SMARCA5: variants seen among roughly 807,000 people sequenced by gnomAD.
SMARCA5 encodes SNF2 related chromatin remodeling ATPase 5.
SMARCA5 carries 18 observed loss-of-function variants against 140.4 expected under a neutral mutation model. The ratio of observed to expected loss-of-function variants is 0.13; its 90% CI spans 0.09 to 0.19. The LOEUF (loss-of-function observed/expected upper bound fraction) is 0.19. SMARCA5 is among the 10% of genes least tolerant of loss of function. The pLI is 1.00. For synonymous variants in SMARCA5, 449 were observed against 419.6 expected, an observed-to-expected ratio of 1.07 and a Z score of -0.86; for missense variants, 606 against 1,276.8, an observed-to-expected ratio of 0.47 and a Z score of 8.01.
rs1737490374 is a variant in SMARCA5 at position 143,544,826 on chromosome 4, T to C, written c.2262T>C (p.Val754=). Residue 754 remains valine, a synonymous_variant, in exon 17 of 24, where the codon GTT becomes GTC. Transcript: ENST00000283131. The part of the protein sequence containing the change: ...VDAYFREALR[V]SEPKAPKAPR... ...CATATTTCAGGGAAGCTCTTCGTGT[T>C]AGTGAACCTAAAGCACCCAAGGTGA... 1.2e-6 allele frequency: 2 copies of C among 1,608,142 alleles called. No homozygotes were observed. Among genetic ancestry groups the C allele is most frequent in the Middle Eastern group, 1.6e-4 (1 of 6,076 alleles).
At chr4:143,550,161 A>AT in intron 23 of SMARCA5, 57 bp downstream of exon 23, 1 of 903,174 alleles carries the variant, frequency 1.1e-6, no homozygotes, top group Non-Finnish European at 1.7e-6. Context: ...CTTTCTAAGT[A>AT]TTTAACACTG....
chr4:143,528,509 T>C (rs1737120218), intron 7 of SMARCA5, 74 bp from the exon 8 acceptor site: 1 of 1,348,434 alleles, frequency 7.4e-7, no homozygotes, highest in Admixed American at 2.2e-5. Context: ...TTTGTGTTGG[T>C]TCCAGGTCTT....
At chr4:143,528,522 C>T in intron 7 of SMARCA5, 61 bp from the exon 8 acceptor site, 1 of 1,460,294 alleles carries the variant, frequency 6.8e-7, no homozygotes, top group Middle Eastern at 2.1e-4. Context: ...CAGGTCTTTG[C>T]TGTTGTAGAT....
intron 14 of SMARCA5, among the ~76,000 whole-genome samples, chr4:143,540,709 G>C (rs547199338): frequency 1.3e-5 from 2 of 152,144 alleles, no homozygotes; most frequent in Non-Finnish European, 2.9e-5. Context: ...TAATGAGTCT[G>C]CCAGTTAGCA....
chr4:143,537,494 T>C (rs1224296127), intron 11 of SMARCA5, among the ~76,000 whole-genome samples: 1 of 152,156 alleles, frequency 6.6e-6, no homozygotes, highest in Non-Finnish European at 1.5e-5. Context: ...TTTCATACCT[T>C]TTTGTAGAGA....
intron 1 of SMARCA5, 188 bp downstream of exon 1, chr4:143,514,289 A>C (rs1427750844): frequency 7.4e-6 from 4 of 544,016 alleles, no homozygotes; most frequent in Non-Finnish European, 1.3e-5. Flanking sequence ...GAGCTAAGCA[A>C]AATGGATTTC....
chr4:143,544,566 T>C (rs1351593041), intron 16 of SMARCA5, among the ~76,000 whole-genome samples, 171 bp from the exon 17 acceptor site: 1 of 152,224 alleles, frequency 6.6e-6, no homozygotes, highest in African/African-American at 2.4e-5. Context: ...AGACACTGTC[T>C]CGTGTTAATT....
Position 143,517,358 on chromosome 4 carries a change from A to C in SMARCA5, c.181A>C (p.Ile61Leu), listed in dbSNP as rs1206455896. 6.2e-7 allele frequency: 1 copy of C among 1,604,046 alleles called. No homozygotes were observed. Among genetic ancestry groups the C allele is most frequent in the South Asian group, 1.1e-5 (1 of 89,382 alleles). ...TTTAATTATTTCTTTCTACCAGGAA[A>C]TATTTGATGATGCGTCACCTGGAAA... ...AGPADAEMEEIFDDASPGKQK... is the reference protein window; with the variant it reads ...AGPADAEMEELFDDASPGKQK... Residue 61 changes from isoleucine to leucine, a missense_variant, in exon 2 of 24, where the codon ATA becomes CTA. By Grantham distance (5) the Ile-to-Leu change is conservative. This residue lies in a region of SMARCA5 where 164 missense variants were observed against 128.4 expected (regional missense o/e 1.28). Transcript: ENST00000283131.
rs1400498747 is a variant in SMARCA5, at chr4:143,554,762, C to G, written c.*1578C>G. On this transcript the variant is annotated 3_prime_UTR_variant, in exon 24 of 24. Coordinates refer to ENST00000283131, the MANE Select transcript of SMARCA5 (RefSeq NM_003601.4). Reference sequence around the variant, plus strand: ...AAAGAATTTGTAAGAGTTATCACCTCAGTTTGGAAGAAATTGAAAAAATGT... The same window carrying G: ...AAAGAATTTGTAAGAGTTATCACCTGAGTTTGGAAGAAATTGAAAAAATGT... The G allele has an allele frequency of 5.6e-6, 1 of 177,234 alleles. No homozygotes were observed. The highest frequency in any genetic ancestry group is 1.2e-5 in the Non-Finnish European group (1 of 84,674). The allele number at this position is 177,234 out of a possible 1,614,324, so 11.0% of individuals were successfully genotyped here.
intron 1 of SMARCA5, among the ~76,000 whole-genome samples, chr4:143,515,854 CAT>C (rs1468148103): frequency 6.6e-6 from 1 of 152,060 alleles, no homozygotes; most frequent in South Asian, 2.1e-4. Context: ...CCAAAAAAAA[CAT>C]ATTTGGCGGT....
chr4:143,517,078 A>G (rs538878684), intron 1 of SMARCA5, among the ~76,000 whole-genome samples: 14 of 152,320 alleles, frequency 9.2e-5, no homozygotes, highest in South Asian at 6.2e-4. Context: ...CTTGTATTAA[A>G]TGTAGTTTTC....
intron 3 of SMARCA5, 117 bp downstream of exon 3, chr4:143,521,712 G>T: frequency 1.1e-6 from 1 of 912,340 alleles, no homozygotes; most frequent in Non-Finnish European, 1.6e-6. Flanking sequence ...TTATTTATTT[G>T]GCCCTGTTTG....
At chr4:143,545,783 G>A in intron 18 of SMARCA5, 142 bp from the exon 19 acceptor site, 1 of 892,116 alleles carries the variant, frequency 1.1e-6, no homozygotes, top group Non-Finnish European at 1.8e-6. Flanking sequence ...GACCAATCTG[G>A]TTTGTTTTTA....
intron 9 of SMARCA5, among the ~76,000 whole-genome samples, chr4:143,531,482 G>T (rs935030545): frequency 1.3e-5 from 2 of 152,276 alleles, no homozygotes; most frequent in East Asian, 1.9e-4. Context: ...TGACATTTTG[G>T]TCTGGGTATA....
Position 143,554,327 on chromosome 4 carries a change from A to T in SMARCA5, c.*1143A>T, listed in dbSNP as rs867594242. The T allele has an allele frequency of 1.3e-5, 2 of 152,200 alleles. No individual in the cohort carries two copies. Among genetic ancestry groups the T allele is most frequent in the African/African-American group, 2.4e-5 (1 of 41,450 alleles). The allele number at this position is 152,200 out of a possible 1,614,324, so 9.4% of individuals were successfully genotyped here. On this transcript the variant is annotated 3_prime_UTR_variant, in exon 24 of 24. Transcript: ENST00000283131. ...GTTCTCCATTTTTCTAAGGGAATGC[A>T]ATAAATGTAGCATCGTGAATAAATA...
intron 5 of SMARCA5, 50 bp downstream of exon 5, chr4:143,525,601 CT>C: frequency 1.6e-6 from 2 of 1,230,076 alleles, no homozygotes; most frequent in Non-Finnish European, 2.4e-6. Context: ...TTGAAAATAT[CT>C]TATACGTTGA....
intron 3 of SMARCA5, among the ~76,000 whole-genome samples, chr4:143,524,024 T>C (rs1437716789): frequency 6.6e-6 from 1 of 152,152 alleles, no homozygotes; most frequent in African/African-American, 2.4e-5. Flanking sequence ...TCTGGAACTT[T>C]TTTTTCCTTG....
Position 143,524,494 on chromosome 4 carries a change from A to T in SMARCA5, c.520+27A>T, listed in dbSNP as rs377597870. 3.0e-4 allele frequency: 442 copies of T among 1,479,444 alleles called. 2 individuals are homozygous for T. In the African/African-American group the frequency reaches 4.1e-3, roughly 14 times the overall value. 91.6% of individuals were successfully genotyped at this position (1,479,444 alleles called of 1,614,324 possible). A position where few individuals can be genotyped will look rare whatever the true frequency, so the allele number is the denominator to read the frequency against. ...TATGTTAAACACACTTGATTTTTTT[A>T]AAAAATTGCCCTTTGAGATCTCCTT... is the stretch of plus-strand genomic sequence containing the variant. On this transcript the variant is annotated intron_variant, in intron 4 of 23. Transcript: ENST00000283131.
Position 143,546,829 on chromosome 4 carries a change from G to C in SMARCA5, c.2574G>C (p.Glu858Asp). Residue 858 changes from glutamate to aspartate, a missense_variant, in exon 20 of 24, where the codon GAG becomes GAC. Physicochemically the swap from Glu to Asp is conservative, Grantham distance 45 (BLOSUM62 2). Around this residue, in one of 10 missense-constraint regions of SMARCA5, gnomAD observed 121 missense variants for 227.1 expected, o/e 0.53. Transcript: ENST00000283131. ...RDFNQFIKAN[E>D]KWGRDDIENI... is the part of the protein sequence containing the mutation. ...TTAACCAGTTTATCAAAGCTAATGA[G>C]AAGTGGGGTCGTGATGATATTGAAA... is the stretch of plus-strand genomic sequence containing the variant. 6.2e-7 allele frequency: 1 copy of C among 1,612,352 alleles called. No individual in the cohort carries two copies.
Sources: gnomAD v4.1 joint callset for allele counts (sites outside exome capture counted in the v4.1 genomes callset) on GRCh38, gnomAD v4.1.1 for gene constraint, gnomAD v4.1.1 regional missense constraint, MANE v1.5 for transcripts, NCBI Gene and HGNC (gene_info 2026-07-23, HGNC 2026-07-21) for gene names.